The following PTPRD variants were observed in gnomAD, a reference collection of about 807,000 sequenced individuals.
PTPRD encodes protein tyrosine phosphatase receptor type D.
In PTPRD, 34 loss-of-function variants were observed where a neutral mutation model predicts 214.5. The ratio of observed to expected loss-of-function variants is 0.16; its 90% CI spans 0.12 to 0.21. The LOEUF (loss-of-function observed/expected upper bound fraction) is 0.21, where lower values mean the gene tolerates loss of function less well. Ranked by LOEUF, PTPRD falls within the 10% of genes least tolerant of loss-of-function variation. The pLI is 1.00. For synonymous variants in PTPRD, 1,128 were observed against 845.7 expected, an observed-to-expected ratio of 1.33 and a Z score of -5.79; for missense variants, 2,545 against 2,398.7, an observed-to-expected ratio of 1.06 and a Z score of -1.27.
intron 5 of PTPRD, among the ~76,000 whole-genome samples, chr9:9,814,256 A>T (rs2048040914): frequency 6.6e-6 from 1 of 151,634 alleles, no homozygotes; most frequent in African/African-American, 2.4e-5. Flanking sequence ...TGTCTCTCTT[A>T]CCACTTCTAT....
chr9:8,321,461 TTGTGTGTGTG>T (rs4008233), intron 44 of PTPRD, among the ~76,000 whole-genome samples: 2,834 of 85,806 alleles, frequency 0.033, 109 homozygotes, highest in East Asian at 0.095. Context: ...GAAGTCTTCT[TTGTGTGTGTG>T]TGTGTGTGTG....
chr9:8,318,653 C>T (rs1824052733), intron 45 of PTPRD, among the ~76,000 whole-genome samples: 1 of 151,856 alleles, frequency 6.6e-6, no homozygotes, highest in African/African-American at 2.4e-5. Flanking sequence ...ACTGGCTGCC[C>T]ACATCAAAAA....
At chr9:9,737,197 A>G (rs912345641) in intron 6 of PTPRD, among the ~76,000 whole-genome samples, 11 of 152,018 alleles carry the variant, frequency 7.2e-5, no homozygotes, top group Non-Finnish European at 1.5e-4. Context: ...TTCAGTACCC[A>G]TGGGTGCTTG....
intron 2 of PTPRD, among the ~76,000 whole-genome samples, chr9:10,578,510 G>T (rs1243327830): frequency 2.0e-5 from 3 of 151,966 alleles, no homozygotes; most frequent in Non-Finnish European, 2.9e-5. Flanking sequence ...AACAGAAAAG[G>T]TCCAATAGAA....
At chr9:9,917,302 GA>G (rs140708788) in intron 5 of PTPRD, among the ~76,000 whole-genome samples, 3,757 of 21,070 alleles carry the variant, frequency 0.18, 116 homozygotes, top group African/African-American at 0.22. Flanking sequence ...TAGCTAGACT[GA>G]AAAAAAAAAA....
intron 14 of PTPRD, among the ~76,000 whole-genome samples, chr9:8,561,687 G>GAT (rs1283001068): frequency 2.6e-5 from 4 of 151,802 alleles, no homozygotes; most frequent in African/African-American, 9.7e-5. Context: ...GTGATTCAGT[G>GAT]ATATATAAAT....
In PTPRD at chr9:9,849,549, G is replaced by A. The variant is rs185021826; in HGVS notation, c.-367-82698C>T. The stretch of plus-strand genomic sequence containing the variant: ...CAAGTTTTGAAAAGAATGATGATGA[G>A]CCAGGAAAAGGAAAGAATTTCCAGG... On this transcript the variant is annotated intron_variant, in intron 5 of 45. Coordinates refer to ENST00000381196, the MANE Select transcript of PTPRD (RefSeq NM_002839.4). Among the ~76,000 whole-genome samples, 14 of 152,126 alleles carry A rather than the reference G, an allele frequency of 9.2e-5. No homozygotes were observed. The East Asian group carries it at 2.7e-3, about 29-fold the overall frequency.
chr9:9,636,073 C>T (rs1321256182), intron 7 of PTPRD, among the ~76,000 whole-genome samples: 1 of 152,142 alleles, frequency 6.6e-6, no homozygotes, highest in Non-Finnish European at 1.5e-5. Flanking sequence ...AAAGCCCCAC[C>T]ACACTTTTTC....
intron 8 of PTPRD, among the ~76,000 whole-genome samples, chr9:9,566,668 A>C (rs2084641023): frequency 6.6e-6 from 1 of 152,084 alleles, no homozygotes; most frequent in African/African-American, 2.4e-5. Context: ...AAGATTAAAC[A>C]CCAGCTTTTA....
intron 11 of PTPRD, among the ~76,000 whole-genome samples, chr9:8,871,692 G>A (rs2098301287): frequency 6.6e-6 from 1 of 152,108 alleles, no homozygotes; most frequent in Non-Finnish European, 1.5e-5. Context: ...GCCATGATAA[G>A]AGTGAAAACT....
intron 3 of PTPRD, among the ~76,000 whole-genome samples, chr9:10,281,368 C>T (rs964866399): frequency 6.6e-6 from 1 of 152,162 alleles, no homozygotes; most frequent in African/African-American, 2.4e-5. Context: ...GGCTGGCTCT[C>T]ACCTTTCACA....
At chr9:9,450,774 A>G (rs1489501863) in intron 8 of PTPRD, among the ~76,000 whole-genome samples, 1 of 151,664 alleles carries the variant, frequency 6.6e-6, no homozygotes, top group Non-Finnish European at 1.5e-5. Flanking sequence ...TGTCCCTGTA[A>G]AATTATCTTT....
intron 8 of PTPRD, among the ~76,000 whole-genome samples, chr9:9,417,917 C>G (rs1569568139): frequency 6.6e-6 from 1 of 152,056 alleles, no homozygotes; most frequent in Non-Finnish European, 1.5e-5. Context: ...TCCTTCATTT[C>G]TCTTTTCTGT....
chr9:8,772,600 G>A (rs1012633377), intron 11 of PTPRD, among the ~76,000 whole-genome samples: 6 of 151,868 alleles, frequency 4.0e-5, no homozygotes, highest in South Asian at 2.1e-4. Flanking sequence ...CTATGACTAC[G>A]CCACTGCAAT....
At chr9:10,485,296 G>C (rs1469986594) in intron 2 of PTPRD, among the ~76,000 whole-genome samples, 1 of 151,986 alleles carries the variant, frequency 6.6e-6, no homozygotes, top group Non-Finnish European at 1.5e-5. Context: ...TCAGGTATGT[G>C]ATACTTCCAA....
intron 11 of PTPRD, among the ~76,000 whole-genome samples, chr9:8,868,935 T>G (rs2098246653): frequency 6.6e-6 from 1 of 152,176 alleles, no homozygotes. Flanking sequence ...AAAACCCTTT[T>G]TATCCAAATA....
At chr9:9,467,782 G>C (rs866769762) in intron 8 of PTPRD, among the ~76,000 whole-genome samples, 1 of 151,886 alleles carries the variant, frequency 6.6e-6, no homozygotes, top group South Asian at 2.1e-4. Context: ...AAATCACATA[G>C]TATATTTTTC....
chr9:10,143,049 T>C (rs2098997532), intron 3 of PTPRD, among the ~76,000 whole-genome samples: 1 of 152,034 alleles, frequency 6.6e-6, no homozygotes, highest in African/African-American at 2.4e-5. Flanking sequence ...CCGCATATTG[T>C]CACTCATAGG....
At chr9:9,056,230 C>A (rs140886651) in intron 10 of PTPRD, among the ~76,000 whole-genome samples, 2 of 152,162 alleles carry the variant, frequency 1.3e-5, no homozygotes, top group South Asian at 2.1e-4. Context: ...AGGAATAATG[C>A]GTATGTGAGA....
Sources: allele counts gnomAD v4.1 joint callset (sites outside exome capture counted in the v4.1 genomes callset), GRCh38; gene constraint gnomAD v4.1.1; transcripts MANE v1.5; gene names NCBI Gene and HGNC (gene_info 2026-07-23, HGNC 2026-07-21).